Variants in DHRS12 observed in about 807,000 individuals in gnomAD.
DHRS12 encodes the protein dehydrogenase/reductase SDR family member 12.
In DHRS12, 29 loss-of-function variants were observed where a neutral mutation model predicts 32.1. That is an observed-to-expected ratio of 0.90 (90% confidence interval 0.67 to 1.23). The LOEUF (loss-of-function observed/expected upper bound fraction) is 1.23. Ranked by LOEUF, DHRS12 falls within the 50% of genes most tolerant of loss-of-function variation. The pLI is 0.00. For missense variants in DHRS12, 330 were observed against 337.2 expected (o/e 0.98, Z 0.17); for synonymous variants, 150 against 135.9 (o/e 1.10, Z -0.72).
chr13:51,797,994 G>T, intron 2 of DHRS12: 1 of 1,315,200 alleles, frequency 7.6e-7, no homozygotes, highest in Non-Finnish European at 1.1e-6. Context: ...AGACATATGG[G>T]CTCACAGTTG....
In DHRS12 at chr13:51,768,233, T is replaced by C; in HGVS notation, c.761A>G (p.Glu254Gly). ...ATASSSPAEE[E>G]KLIEILEQLA... ...CTGTTCCAGGATTTCAATGAGTTTC[T>C]CCTCTTCGGCCGGTGAGGAGGACGC... Residue 254 changes from glutamate to glycine, a missense_variant, in exon 9 of 9, where the codon GAG becomes GGG. Transcript: ENST00000444610. The C allele has an allele frequency of 6.5e-7, 1 of 1,536,082 alleles. No homozygotes were observed. Among genetic ancestry groups the C allele is most frequent in the Non-Finnish European group, 8.7e-7 (1 of 1,146,888 alleles).
At chr13:51,764,668 G>C (rs1337489211), downstream of DHRS12, 1 of 152,230 alleles carries the variant, frequency 6.6e-6, no homozygotes, top group East Asian at 1.9e-4. Flanking sequence ...GCTACTATTA[G>C]TTTATATTAT....
At chr13:51,793,172 G>A (rs9591430) in intron 2 of DHRS12, among the ~76,000 whole-genome samples, 42,761 of 152,020 alleles carry the variant, frequency 0.28, 7,274 homozygotes, top group African/African-American at 0.46. Flanking sequence ...CATGGTAGTC[G>A]ACTAATGGAT....
intron 7 of DHRS12, chr13:51,770,975 G>T: frequency 7.4e-7 from 1 of 1,346,424 alleles, no homozygotes; most frequent in Non-Finnish European, 9.5e-7. Flanking sequence ...GAATTCCAAG[G>T]CTTCTGATAA....
chr13:51,800,547 C>T (rs1330852122), intron 1 of DHRS12, among the ~76,000 whole-genome samples: 1 of 152,180 alleles, frequency 6.6e-6, no homozygotes, highest in Non-Finnish European at 1.5e-5. Flanking sequence ...CCTACGGAGC[C>T]GAGAGATTTC....
At chr13:51,786,930 C>T (rs1954985200) in intron 4 of DHRS12, among the ~76,000 whole-genome samples, 1 of 152,172 alleles carries the variant, frequency 6.6e-6, no homozygotes, top group African/African-American at 2.4e-5. Flanking sequence ...AGGCAGCCAG[C>T]AATTTTCCAG....
rs1428452284 is a variant in DHRS12, at chr13:51,790,056, G to C, written c.256C>G (p.Leu86Val). The change falls in exon 4 of 9, where the codon CTC (leucine) becomes GTC (valine). Residue 86 changes from leucine (L) to valine (V), a missense_variant. Transcript: ENST00000444610. The stretch of plus-strand genomic sequence containing the variant: ...TTTTTTTCAAGTCCATCTTCTGTGA[G>C]CTCTCTTTTATTGACCATGCAACCT... ...NAGCMVNKRE[L>V]TEDGLEKNFA... is the part of the protein sequence containing the mutation. The C allele has an allele frequency of 1.7e-5, 28 of 1,602,708 alleles. No homozygotes were observed. Among genetic ancestry groups the C allele is most frequent in the Non-Finnish European group, 2.3e-5 (27 of 1,176,370 alleles).
chr13:51,797,726 A>C (rs1955570154), intron 2 of DHRS12: 18 of 1,222,044 alleles, frequency 1.5e-5, no homozygotes, highest in Non-Finnish European at 1.6e-5. Flanking sequence ...GCACAAACAC[A>C]GGCCCTCTTC....
chr13:51,793,301 C>G (rs1938158453), intron 2 of DHRS12, among the ~76,000 whole-genome samples: 1 of 152,178 alleles, frequency 6.6e-6, no homozygotes, highest in African/African-American at 2.4e-5. Context: ...TGACTTATCA[C>G]TAACCCAAGG....
downstream of DHRS12, chr13:51,767,595 G>A (rs1278275690): frequency 6.5e-6 from 1 of 153,002 alleles, no homozygotes; most frequent in East Asian, 1.9e-4. Context: ...GTAAAATGGT[G>A]TAAATTAGAG....
Position 51,769,371 on chromosome 13 carries a change from A to AG in DHRS12, c.560-79_560-78insC. 5.8e-6 allele frequency: 7 copies of AG among 1,214,906 alleles called. No homozygotes were observed. In the South Asian group the frequency reaches 1.1e-4, roughly 20 times the overall value. The allele number at this position is 1,214,906 out of a possible 1,614,324, so 75.3% of individuals were successfully genotyped here. A position where few individuals can be genotyped will look rare whatever the true frequency, so the allele number is the denominator to read the frequency against. ...GTTGACTTCCCTTAATTTAAAAAAA[A>AG]AAAAAAGTGCAAAAATGAAATGGGA... On this transcript the variant is annotated intron_variant, in intron 7 of 8. Coordinates refer to ENST00000444610, the MANE Select transcript of DHRS12 (RefSeq NM_001377533.1).
At chr13:51,787,862 T>C (rs1236112965) in intron 4 of DHRS12, among the ~76,000 whole-genome samples, 1 of 120,794 alleles carries the variant, frequency 8.3e-6, no homozygotes, top group Non-Finnish European at 1.7e-5. Context: ...TTATATATAA[T>C]ATATAAATAT....
In DHRS12 at chr13:51,799,537, G is replaced by C. The variant is rs373591025; in HGVS notation, c.123C>G (p.Ser41Arg). The change falls in exon 2 of 9, where the codon AGC becomes AGG. Residue 41 changes from serine to arginine, a missense_variant. Coordinates refer to ENST00000444610, the MANE Select transcript of DHRS12 (RefSeq NM_001377533.1). The part of the protein sequence containing the change: ...LAKQLPLKSP[S>R]ENIFLHIVDL... ...ACACGTGTTAGCAGCTGCTTACCTC[G>C]CTTGGCGATTTCAAGGGCAGTTGCT... 2 of 1,613,224 alleles carry C rather than the reference G, an allele frequency of 1.2e-6. No homozygotes were observed. The highest frequency in any genetic ancestry group is 1.7e-5 in the Admixed American group (1 of 60,006).
intron 4 of DHRS12, among the ~76,000 whole-genome samples, chr13:51,779,278 C>T (rs919420571): frequency 2.0e-5 from 3 of 152,204 alleles, no homozygotes; most frequent in Admixed American, 1.3e-4. Context: ...AAGCAAAAAA[C>T]TCCTCAGCCT....
At chr13:51,802,639 G>T (rs1299824368) in intron 1 of DHRS12, among the ~76,000 whole-genome samples, 1 of 152,360 alleles carries the variant, frequency 6.6e-6, no homozygotes, top group Non-Finnish European at 1.5e-5. Context: ...TGCCTTAGGA[G>T]CCCAATATAG....
intron 2 of DHRS12, among the ~76,000 whole-genome samples, chr13:51,794,333 C>T (rs1334688490): frequency 6.6e-6 from 1 of 152,150 alleles, no homozygotes; most frequent in African/African-American, 2.4e-5. Flanking sequence ...GACTGATCCC[C>T]CCATCAGAGC....
intron 1 of DHRS12, among the ~76,000 whole-genome samples, chr13:51,803,210 G>A (rs1456170291): frequency 6.6e-6 from 1 of 152,186 alleles, no homozygotes; most frequent in East Asian, 1.9e-4. Flanking sequence ...AGGTTGCCGT[G>A]GGAACTGATA....
At chr13:51,788,166 T>G (rs1955082244) in intron 4 of DHRS12, among the ~76,000 whole-genome samples, 1 of 151,660 alleles carries the variant, frequency 6.6e-6, no homozygotes, top group African/African-American at 2.4e-5. Context: ...GCCTCGCATT[T>G]CCATTTGGTG....
intron 2 of DHRS12, among the ~76,000 whole-genome samples, chr13:51,792,880 A>G (rs1250553243): frequency 6.6e-6 from 1 of 150,832 alleles, no homozygotes; most frequent in African/African-American, 2.4e-5. Flanking sequence ...TTTAATGACT[A>G]CATAATTTAC....
Sources: gnomAD v4.1 joint callset for allele counts (sites outside exome capture counted in the v4.1 genomes callset) on GRCh38, gnomAD v4.1.1 for gene constraint, MANE v1.5 for transcripts, NCBI Gene and HGNC (gene_info 2026-07-23, HGNC 2026-07-21) for gene names.